NOSTRIN: variants seen among roughly 807,000 people sequenced by gnomAD.
NOSTRIN encodes BM247 homolog.
NOSTRIN carries 63 observed loss-of-function variants against 59.0 expected under a neutral mutation model. That is an observed-to-expected ratio of 1.07 (90% CI 0.87 to 1.32). The LOEUF (loss-of-function observed/expected upper bound fraction) is 1.32. Among genes scored for constraint, NOSTRIN ranks in the 40% most tolerant of loss-of-function variants. The pLI, the probability that NOSTRIN is intolerant of heterozygous loss-of-function variation, is 0.00. For synonymous variants in NOSTRIN, 200 were observed against 165.4 expected (o/e 1.21, Z -1.61); for missense variants, 512 against 473.1 (o/e 1.08, Z -0.76).
chr2:168,856,861 T>C lies in NOSTRIN; in HGVS notation c.1053+83T>C, dbSNP rs1689157052. On this transcript the variant is annotated intron_variant, in intron 12 of 15. Transcript: ENST00000317647. ...ATACTTGTTTCTGGTCCACTTGGCC[T>C]TGTTTGCCTTTCCTTTCTCATGACA... The C allele has an allele frequency of 4.7e-6, 6 of 1,286,972 alleles. No homozygotes were observed. The South Asian group carries it at 7.5e-5, about 16-fold the overall frequency. 79.7% of individuals were successfully genotyped at this position (1,286,972 alleles called of 1,614,324 possible).
intron 8 of NOSTRIN, among the ~76,000 whole-genome samples, chr2:168,844,730 C>G (rs890686306): frequency 6.6e-6 from 1 of 152,062 alleles, no homozygotes. Context: ...ATTAGCCGCG[C>G]GTGGTGGCGG....
chr2:168,856,782 A>G lies in NOSTRIN; in HGVS notation c.1053+4A>G, dbSNP rs944129923. The G allele has an allele frequency of 2.5e-6, 4 of 1,613,298 alleles. No individual in the cohort carries two copies. The highest frequency in any genetic ancestry group is 3.4e-6 in the Non-Finnish European group (4 of 1,179,344). ...CACAGCAGCGTTAATGGATGAGGTA[A>G]ATGTTTGCCGAGTGCATTTCCTAGA... On this transcript the variant is annotated splice_donor_region_variant and intron_variant, in intron 12 of 15. Transcript: ENST00000317647.
At chr2:168,837,528 C>T (rs1237528429) in intron 7 of NOSTRIN, among the ~76,000 whole-genome samples, 1 of 151,996 alleles carries the variant, frequency 6.6e-6, no homozygotes, top group African/African-American at 2.4e-5. Context: ...CTAGGATAGT[C>T]TCGATCTCCT....
At chr2:168,812,185 C>G (rs1470522331) in intron 2 of NOSTRIN, 1 of 152,178 alleles carries the variant, frequency 6.6e-6, no homozygotes, top group African/African-American at 2.4e-5. Flanking sequence ...ACATTTAACT[C>G]AGTCAAGAAA....
upstream of NOSTRIN, among the ~76,000 whole-genome samples, chr2:168,797,676 A>AT (rs36018952): frequency 8.5e-4 from 127 of 148,760 alleles, no homozygotes; most frequent in Admixed American, 1.3e-3. Context: ...TTAACCTTAA[A>AT]TTTTTTTTTT....
intron 11 of NOSTRIN, 97 bp from the exon 12 acceptor site, chr2:168,856,593 G>A: frequency 9.6e-7 from 1 of 1,042,250 alleles, no homozygotes; most frequent in African/African-American, 1.6e-5. Flanking sequence ...AAATCTCACT[G>A]GTATCACTTC....
intron 2 of NOSTRIN, among the ~76,000 whole-genome samples, chr2:168,823,258 C>T (rs1018699298): frequency 1.3e-5 from 2 of 152,150 alleles, no homozygotes; most frequent in African/African-American, 4.8e-5. Context: ...CCTTGTGATC[C>T]GCCCACCTCG....
chr2:168,823,501 C>T (rs1400519697), intron 2 of NOSTRIN, among the ~76,000 whole-genome samples: 1 of 152,150 alleles, frequency 6.6e-6, no homozygotes, highest in Non-Finnish European at 1.5e-5. Context: ...CTTTGGCATT[C>T]TTTGGCTTGT....
chr2:168,845,790 CT>C lies in NOSTRIN; in HGVS notation c.630+2690del, dbSNP rs3216710. On this transcript the variant is annotated intron_variant, in intron 8 of 15. Transcript: ENST00000317647. ...AGACCTAGTTTTAGTTTTTTTCTTC[CT>C]TTTTTTTTTTTTTTTTGTTAGAATC... Among the ~76,000 whole-genome samples, 622 of 140,598 alleles carry C rather than the reference CT, an allele frequency of 4.4e-3. 6 individuals are homozygous for C. Among genetic ancestry groups the C allele is most frequent in the East Asian group, 0.011 (55 of 4,858 alleles). The allele number at this position is 140,598 out of a possible 152,430, so 92.2% of individuals were successfully genotyped here. A position where few individuals can be genotyped will look rare whatever the true frequency, so the allele number is the denominator to read the frequency against.
chr2:168,859,677 C>G, intron 13 of NOSTRIN, 40 bp downstream of exon 13: 1 of 1,607,488 alleles, frequency 6.2e-7, no homozygotes, highest in East Asian at 2.2e-5. Flanking sequence ...CTTGATTGGG[C>G]CTGCTGGGTG....
chr2:168,857,398 C>CA (rs1195616442), intron 12 of NOSTRIN, among the ~76,000 whole-genome samples: 1 of 149,918 alleles, frequency 6.7e-6, no homozygotes, highest in Non-Finnish European at 1.5e-5. Context: ...GTGTGTGAGG[C>CA]AAAATCTGGG....
chr2:168,839,997 G>C (rs1687978391), intron 7 of NOSTRIN, among the ~76,000 whole-genome samples: 1 of 150,440 alleles, frequency 6.6e-6, no homozygotes, highest in Non-Finnish European at 1.5e-5. Flanking sequence ...TAAATTTGCT[G>C]AGCAGAAAAT....
At position 168,834,001 on chromosome 2, in the gene NOSTRIN, G is replaced by A. The variant is rs114749463; in HGVS notation, c.406-226G>A. The A allele has an allele frequency of 5.5e-3, 2,465 of 451,610 alleles. 17 individuals are homozygous for A. Among genetic ancestry groups the A allele is most frequent in the Non-Finnish European group, 7.6e-3 (1,924 of 253,498 alleles). 28.0% of individuals were successfully genotyped at this position (451,610 alleles called of 1,614,324 possible). A position where few individuals can be genotyped will look rare whatever the true frequency, so the allele number is the denominator to read the frequency against. ...CGATATAATGAAAAAGTATGCAGGAGTTCTCCGGACAAAGTGTTAGCTGCT... is the reference window on the plus strand; with the variant it reads ...CGATATAATGAAAAAGTATGCAGGAATTCTCCGGACAAAGTGTTAGCTGCT... On this transcript the variant is annotated intron_variant, in intron 6 of 15. Transcript: ENST00000317647.
upstream of NOSTRIN, among the ~76,000 whole-genome samples, chr2:168,798,432 T>TA (rs1378459113): frequency 6.6e-6 from 1 of 152,178 alleles, no homozygotes; most frequent in African/African-American, 2.4e-5. Context: ...GAATACTTCA[T>TA]AAATGCGTAC....
intron 8 of NOSTRIN, among the ~76,000 whole-genome samples, chr2:168,847,403 GGAGCCTCTGAATCAATCA>G (rs1308804536): frequency 1.3e-5 from 2 of 152,226 alleles, no homozygotes; most frequent in East Asian, 1.9e-4. Flanking sequence ...CCTAGACCTG[GGAGCCTCTGAATCAATCA>G]GAGCCTCTGA....
chr2:168,834,513 A>ACACACACGCG (rs1553527260), intron 7 of NOSTRIN, among the ~76,000 whole-genome samples, 188 bp downstream of exon 7: 2 of 141,672 alleles, frequency 1.4e-5, no homozygotes, highest in Admixed American at 7.1e-5. Context: ...GCGCGCACAC[A>ACACACACGCG]CACACACACA....
chr2:168,823,650 C>T (rs1457286526), intron 2 of NOSTRIN, among the ~76,000 whole-genome samples: 1 of 152,220 alleles, frequency 6.6e-6, no homozygotes, highest in Non-Finnish European at 1.5e-5. Context: ...CTCATCTTAA[C>T]TTGATCATCA....
chr2:168,862,129 C>A, intron 15 of NOSTRIN, 80 bp downstream of exon 15: 2 of 1,293,428 alleles, frequency 1.5e-6, no homozygotes, highest in Non-Finnish European at 2.2e-6. Flanking sequence ...CTTAGTGTGG[C>A]AGCCTTAAGA....
In NOSTRIN at chr2:168,858,167, A is replaced by G. The variant is rs142269151; in HGVS notation, c.1054-1345A>G. Among the ~76,000 whole-genome samples, 584 of 152,324 alleles carry G rather than the reference A, an allele frequency of 3.8e-3. 1 individual carries two copies. The highest frequency in any genetic ancestry group is 0.013 in the African/African-American group (556 of 41,570). On this transcript the variant is annotated intron_variant, in intron 12 of 15. Transcript: ENST00000317647. ...GAATTTTGTCATTGTCATTACCAGC[A>G]TACATGTATTAGGATCATCTGGGTC... is the stretch of plus-strand genomic sequence containing the variant.
Sources: allele counts gnomAD v4.1 joint callset (sites outside exome capture counted in the v4.1 genomes callset), GRCh38; gene constraint gnomAD v4.1.1; transcripts MANE v1.5; gene names NCBI Gene and HGNC (gene_info 2026-07-23, HGNC 2026-07-21).